Variants in ZNRF1 observed in about 807,000 individuals in gnomAD.
The protein encoded by ZNRF1 is zinc and ring finger 1.
Under a neutral mutation model 18.4 loss-of-function variants are expected in ZNRF1, and 3 were observed. The observed-to-expected ratio is 0.16, with a 90% confidence interval of 0.07 to 0.42. The LOEUF (loss-of-function observed/expected upper bound fraction) is 0.42. Among genes scored for constraint, ZNRF1 ranks in the 10% least tolerant of loss-of-function variants. The probability of loss-of-function intolerance (pLI) is 0.99; values close to 1 mark genes in which losing one functional copy is unlikely to be tolerated. For missense variants in ZNRF1, 310 were observed against 329.8 expected, an observed-to-expected ratio of 0.94 and a Z score of 0.47; for synonymous variants, 157 against 144.2, an observed-to-expected ratio of 1.09 and a Z score of -0.64.
At chr16:75,088,456 T>G (rs1034880975) in intron 1 of ZNRF1, among the ~76,000 whole-genome samples, 1 of 152,202 alleles carries the variant, frequency 6.6e-6, no homozygotes, top group South Asian at 2.1e-4. Context: ...GAAAAAAAAG[T>G]GTCCATTGTT....
intron 1 of ZNRF1, among the ~76,000 whole-genome samples, chr16:75,085,802 G>GAGAGAGAGAGAGAGAGAGAGAT (rs1485476783): frequency 3.4e-5 from 5 of 147,032 alleles, no homozygotes; most frequent in Admixed American, 6.7e-5. Flanking sequence ...GAGAGAGAGA[G>GAGAGAGAGAGAGAGAGAGAGAT]AGAGAGAGAG....
At chr16:75,101,209 C>T (rs2145428416) in intron 2 of ZNRF1, among the ~76,000 whole-genome samples, 1 of 152,354 alleles carries the variant, frequency 6.6e-6, no homozygotes. Flanking sequence ...GCTGGAATTA[C>T]AGGCATGAGC....
intron 1 of ZNRF1, among the ~76,000 whole-genome samples, chr16:75,015,587 C>A (rs900521784): frequency 6.6e-6 from 1 of 151,978 alleles, no homozygotes; most frequent in Non-Finnish European, 1.5e-5. Flanking sequence ...AAAAAAAAAT[C>A]GTGTATTTAG....
intron 2 of ZNRF1, among the ~76,000 whole-genome samples, chr16:75,098,172 G>C (rs1264882893): frequency 6.6e-6 from 1 of 152,258 alleles, no homozygotes; most frequent in South Asian, 2.1e-4. Flanking sequence ...AGGGTGTCCA[G>C]CTGTTGCTGA....
Position 75,109,228 on chromosome 16 carries a change from G to A in ZNRF1, c.*1528G>A. 1 of 152,884 alleles carries A rather than the reference G, an allele frequency of 6.5e-6. No homozygotes were observed. The highest frequency in any genetic ancestry group is 1.5e-5 in the Non-Finnish European group (1 of 68,482). 9.5% of individuals were successfully genotyped at this position (152,884 alleles called of 1,614,324 possible). ...CAACTGCTCAGGCTCACAAAAGTTG[G>A]CAAAATGCGGGCTGGGCAGGCAGCT... On this transcript the variant is annotated 3_prime_UTR_variant, in exon 5 of 5. Coordinates refer to ENST00000335325, the MANE Select transcript of ZNRF1 (RefSeq NM_032268.5).
intron 1 of ZNRF1, among the ~76,000 whole-genome samples, chr16:75,027,457 A>G (rs1218256807): frequency 6.6e-6 from 1 of 152,178 alleles, no homozygotes; most frequent in African/African-American, 2.4e-5. Context: ...CTTGTCAGCC[A>G]TAAGAGTTGC....
Position 75,040,854 on chromosome 16 carries a change from C to T in ZNRF1, c.424+40759C>T, listed in dbSNP as rs190631153. On this transcript the variant is annotated intron_variant, in intron 1 of 4. Transcript: ENST00000335325. Reference sequence around the variant, plus strand: ...AACTCCTGACCTCAGGTGATCCACCCACCTTGGCCTTCCAAAGTGCAGGGA... The same window carrying T: ...AACTCCTGACCTCAGGTGATCCACCTACCTTGGCCTTCCAAAGTGCAGGGA... 3.4e-4 allele frequency among the ~76,000 whole-genome samples: 52 copies of T among 151,980 alleles called. No individual in the cohort carries two copies. The East Asian group carries it at 0.01, about 30-fold the overall frequency.
At chr16:75,079,505 T>C (rs2145409450) in intron 1 of ZNRF1, among the ~76,000 whole-genome samples, 1 of 152,044 alleles carries the variant, frequency 6.6e-6, no homozygotes, top group South Asian at 2.1e-4. Flanking sequence ...AACCTCCTTT[T>C]GACCCATCGG....
At chr16:75,072,163 G>A (rs1435278718) in intron 1 of ZNRF1, among the ~76,000 whole-genome samples, 1 of 151,782 alleles carries the variant, frequency 6.6e-6, no homozygotes, top group Non-Finnish European at 1.5e-5. Flanking sequence ...TGTAGAAATG[G>A]GTTTCACTGT....
At chr16:75,006,879 CCAG>C (rs1455475492) in intron 1 of ZNRF1, among the ~76,000 whole-genome samples, 1 of 152,106 alleles carries the variant, frequency 6.6e-6, no homozygotes, top group Admixed American at 6.6e-5. Flanking sequence ...TCTTAGAGAC[CCAG>C]CAGTTTTCAC....
chr16:75,106,219 A>G (rs1597913988), intron 3 of ZNRF1: 2 of 473,368 alleles, frequency 4.2e-6, no homozygotes, highest in East Asian at 3.8e-5. Context: ...GTCCTTCTGA[A>G]AGCCACTCTG....
At chr16:75,046,471 C>T (rs941273275) in intron 1 of ZNRF1, among the ~76,000 whole-genome samples, 1 of 151,614 alleles carries the variant, frequency 6.6e-6, no homozygotes, top group Non-Finnish European at 1.5e-5. Context: ...AGGTTGATCC[C>T]GAACTCCTGA....
chr16:75,054,962 A>G (rs2035650055), intron 1 of ZNRF1, among the ~76,000 whole-genome samples: 1 of 152,204 alleles, frequency 6.6e-6, no homozygotes, highest in African/African-American at 2.4e-5. Flanking sequence ...TTTAGAGCAG[A>G]AATTAAAGGA....
rs895427010 is a variant in ZNRF1, at chr16:75,000,135, G to A, written c.424+40G>A. Reference sequence around the variant, plus strand: ...GGTGGAGGCCTCGGAGGGAGGGCGCGCCGGGGCGCCCCAAGCCTTCGCGTG... The same window carrying A: ...GGTGGAGGCCTCGGAGGGAGGGCGCACCGGGGCGCCCCAAGCCTTCGCGTG... On this transcript the variant is annotated intron_variant, in intron 1 of 4. Coordinates refer to ENST00000335325, the MANE Select transcript of ZNRF1 (RefSeq NM_032268.5). The A allele has an allele frequency of 5.1e-6, 8 of 1,572,380 alleles. No individual in the cohort carries two copies. The African/African-American group carries it at 9.4e-5, about 18-fold the overall frequency.
intron 3 of ZNRF1, 64 bp from the exon 4 acceptor site, chr16:75,106,418 G>C: frequency 1.3e-6 from 2 of 1,581,454 alleles, no homozygotes; most frequent in Non-Finnish European, 1.7e-6. Flanking sequence ...CCCTCTGAAA[G>C]AGCCCCTTCA....
chr16:75,059,559 TCTTA>T (rs1164096312), intron 1 of ZNRF1, among the ~76,000 whole-genome samples: 1 of 152,108 alleles, frequency 6.6e-6, no homozygotes, highest in Non-Finnish European at 1.5e-5. Context: ...CTACCCATCT[TCTTA>T]CTTTTGTTTG....
chr16:75,043,434 T>C (rs1233162967), intron 1 of ZNRF1, among the ~76,000 whole-genome samples: 1 of 152,200 alleles, frequency 6.6e-6, no homozygotes, highest in Non-Finnish European at 1.5e-5. Flanking sequence ...ATTTTAGACA[T>C]GTGTTTGTTT....
At chr16:75,001,237 A>G (rs1322135370) in intron 1 of ZNRF1, among the ~76,000 whole-genome samples, 39 of 152,012 alleles carry the variant, frequency 2.6e-4, no homozygotes, top group Non-Finnish European at 2.9e-5. Context: ...TCTTTTAACT[A>G]CTGTGAAATA....
chr16:75,084,853 C>A (rs2036055604), intron 1 of ZNRF1, among the ~76,000 whole-genome samples: 1 of 152,158 alleles, frequency 6.6e-6, no homozygotes, highest in African/African-American at 2.4e-5. Flanking sequence ...CAGCTCACTG[C>A]TTGACACTTT....
Sources: gnomAD v4.1 joint callset for allele counts (sites outside exome capture counted in the v4.1 genomes callset) on GRCh38, gnomAD v4.1.1 for gene constraint, MANE v1.5 for transcripts, NCBI Gene and HGNC (gene_info 2026-07-23, HGNC 2026-07-21) for gene names.